The following PKP4 variants were observed in gnomAD, a reference collection of about 807,000 sequenced individuals.
PKP4 encodes the protein plakophilin-4.
A neutral mutation model predicts 145.1 loss-of-function variants in PKP4; 90 were observed. That is an observed-to-expected ratio of 0.62 (90% CI 0.52 to 0.74). PKP4 has a LOEUF of 0.74. Among genes scored for constraint, PKP4 ranks in the 30% least tolerant of loss-of-function variants. The probability of loss-of-function intolerance (pLI) is 0.00; values close to 1 mark genes in which losing one functional copy is unlikely to be tolerated. For missense variants in PKP4, 1,340 were observed against 1,482.7 expected (o/e 0.90, Z 1.58); for synonymous variants, 563 against 577.2 (o/e 0.98, Z 0.35).
At chr2:158,669,168 C>A (rs1285484937) in intron 16 of PKP4, 2 of 152,144 alleles carry the variant, frequency 1.3e-5, no homozygotes, top group African/African-American at 4.8e-5. Flanking sequence ...CATGTTGCCA[C>A]CGTTGTCAGA....
intron 11 of PKP4, among the ~76,000 whole-genome samples, chr2:158,654,529 G>T (rs1390236021): frequency 6.6e-6 from 1 of 152,080 alleles, no homozygotes; most frequent in Non-Finnish European, 1.5e-5. Context: ...TTTGCACTTT[G>T]AGGGATGGGG....
At chr2:158,563,622 T>C (rs2046725099) in intron 2 of PKP4, among the ~76,000 whole-genome samples, 1 of 152,204 alleles carries the variant, frequency 6.6e-6, no homozygotes, top group Non-Finnish European at 1.5e-5. Context: ...TTTCCAGTTT[T>C]ATTTGATTGG....
intron 9 of PKP4, among the ~76,000 whole-genome samples, chr2:158,635,316 A>G (rs940914440): frequency 6.6e-6 from 1 of 152,198 alleles, no homozygotes; most frequent in African/African-American, 2.4e-5. Flanking sequence ...TTTAAGCTAT[A>G]TAAATGCATT....
intron 7 of PKP4, among the ~76,000 whole-genome samples, chr2:158,627,805 T>C (rs960304470): frequency 1.1e-4 from 17 of 151,594 alleles, no homozygotes; most frequent in Non-Finnish European, 2.1e-4. Flanking sequence ...GGAATCACCG[T>C]AATAATAGCT....
At chr2:158,670,746 G>A (rs769948627) in intron 17 of PKP4, among the ~76,000 whole-genome samples, 8 of 152,200 alleles carry the variant, frequency 5.3e-5, no homozygotes, top group Admixed American at 2.6e-4. Flanking sequence ...GGGCTGCTGT[G>A]TGGCCTCAGG....
chr2:158,493,968 G>C (rs1013056408), intron 1 of PKP4, among the ~76,000 whole-genome samples: 1 of 152,124 alleles, frequency 6.6e-6, no homozygotes, highest in Non-Finnish European at 1.5e-5. Context: ...GAAATGAATG[G>C]AGTCCAGGGG....
chr2:158,495,957 T>G (rs1385553219), intron 1 of PKP4, among the ~76,000 whole-genome samples: 1 of 152,154 alleles, frequency 6.6e-6, no homozygotes, highest in African/African-American at 2.4e-5. Flanking sequence ...TTTTCTTTTT[T>G]GTATACATTT....
At chr2:158,585,334 C>A (rs1001376273) in intron 3 of PKP4, among the ~76,000 whole-genome samples, 4 of 152,142 alleles carry the variant, frequency 2.6e-5, no homozygotes, top group Non-Finnish European at 5.9e-5. Flanking sequence ...ACAGTTTTGA[C>A]AAATAGTGTT....
chr2:158,637,512 T>C (rs535537758), intron 9 of PKP4, among the ~76,000 whole-genome samples: 178 of 152,284 alleles, frequency 1.2e-3, no homozygotes, highest in African/African-American at 4.1e-3. Context: ...CTAACCACTT[T>C]GGCACCCACA....
At position 158,621,296 on chromosome 2, in the gene PKP4, G is replaced by C. The variant is rs762357332; in HGVS notation, c.478G>C (p.Ala160Pro). The C allele has an allele frequency of 7.4e-6, 12 of 1,614,206 alleles. No homozygotes were observed. Among genetic ancestry groups the C allele is most frequent in the Non-Finnish European group, 1.0e-5 (12 of 1,180,004 alleles). ...TTATTCCGACAGTGGATACCAGGAA[G>C]CAGGGAGTTTCCACAACAGCCAGAA... ...NSYSDSGYQE[A>P]GSFHNSQNVS... The change falls in exon 6 of 22, where the codon GCA (alanine) becomes CCA (proline). Residue 160 changes from alanine to proline, a missense_variant. Coordinates refer to ENST00000389759, the MANE Select transcript of PKP4 (RefSeq NM_003628.6).
intron 4 of PKP4, among the ~76,000 whole-genome samples, chr2:158,611,433 C>T (rs2051137067): frequency 6.6e-6 from 1 of 152,018 alleles, no homozygotes; most frequent in Non-Finnish European, 1.5e-5. Flanking sequence ...AAGTTTCTTC[C>T]ACTGGGATGA....
chr2:158,640,563 G>GT lies in PKP4; in HGVS notation c.1563-57dup, dbSNP rs574567617. 264 of 1,561,732 alleles carry GT rather than the reference G, an allele frequency of 1.7e-4. No individual in the cohort carries two copies. The African/African-American group carries it at 3.0e-3, about 18-fold the overall frequency. On this transcript the variant is annotated intron_variant, in intron 9 of 21. Coordinates refer to ENST00000389759, the MANE Select transcript of PKP4 (RefSeq NM_003628.6). The stretch of plus-strand genomic sequence containing the variant: ...TGAGCTTTTTTTCCTTATACCAAGT[G>GT]TTTTTTTCAGTGTATTTTTACAACA...
chr2:158,639,044 C>G (rs954761891), intron 9 of PKP4, among the ~76,000 whole-genome samples: 16 of 152,194 alleles, frequency 1.1e-4, no homozygotes, highest in African/African-American at 3.9e-4. Context: ...ACCTCTATCA[C>G]TAATTACTAA....
intron 4 of PKP4, among the ~76,000 whole-genome samples, chr2:158,605,226 C>T (rs1246836549): frequency 6.6e-6 from 1 of 152,156 alleles, no homozygotes; most frequent in Non-Finnish European, 1.5e-5. Context: ...AGGAATATTT[C>T]GTGTGCATAT....
Position 158,624,875 on chromosome 2 carries a change from CA to C in PKP4, c.604-2del, listed in dbSNP as rs1363679525. Reference sequence around the variant, plus strand: ...ATTCTCTTTTTTCCCCCCCTTTCATCAGCCATCAGTAGCCAATCGGGCCATG... The same window carrying C: ...ATTCTCTTTTTTCCCCCCCTTTCATCGCCATCAGTAGCCAATCGGGCCATG... On this transcript the variant is annotated splice_acceptor_variant, in intron 6 of 21. Coordinates refer to ENST00000389759, the MANE Select transcript of PKP4 (RefSeq NM_003628.6). LOFTEE classifies it high-confidence loss of function. The C allele has an allele frequency of 1.9e-6, 3 of 1,561,558 alleles. No homozygotes were observed. Among genetic ancestry groups the C allele is most frequent in the African/African-American group, 1.4e-5 (1 of 72,994 alleles).
intron 1 of PKP4, among the ~76,000 whole-genome samples, chr2:158,475,057 T>G (rs1445300810): frequency 6.6e-6 from 1 of 152,240 alleles, no homozygotes; most frequent in East Asian, 1.9e-4. Flanking sequence ...TATACTGAGA[T>G]ATCAGCTCTC....
intron 2 of PKP4, among the ~76,000 whole-genome samples, chr2:158,564,196 A>T (rs191031058): frequency 2.0e-5 from 3 of 152,070 alleles, no homozygotes; most frequent in African/African-American, 7.2e-5. Flanking sequence ...AATCATACTG[A>T]TCTGCTGTGT....
At chr2:158,666,758 C>A in intron 16 of PKP4, 195 bp downstream of exon 16, 1 of 452,056 alleles carries the variant, frequency 2.2e-6, no homozygotes. Context: ...ATTAATTAGT[C>A]ATTGATTAGG....
intron 1 of PKP4, among the ~76,000 whole-genome samples, chr2:158,476,733 A>G (rs1692535620): frequency 6.6e-6 from 1 of 152,024 alleles, no homozygotes. Flanking sequence ...TTCTGATTGT[A>G]AATGAAATCC....
Sources: gnomAD v4.1 joint callset for allele counts (sites outside exome capture counted in the v4.1 genomes callset) on GRCh38, gnomAD v4.1.1 for gene constraint, MANE v1.5 for transcripts, NCBI Gene and HGNC (gene_info 2026-07-23, HGNC 2026-07-21) for gene names.